Variants in EGFR observed in about 807,000 individuals in gnomAD.
EGFR encodes the protein avian erythroblastic leukemia viral (v-erb-b) oncogene homolog.
EGFR carries 58 observed loss-of-function variants against 143.0 expected under a neutral mutation model. That is an observed-to-expected ratio of 0.41 (90% CI 0.33 to 0.50). The LOEUF (loss-of-function observed/expected upper bound fraction) is 0.50, where lower values mean the gene tolerates loss of function less well. EGFR is among the 20% of genes least tolerant of loss of function. EGFR has a pLI of 0.39. For synonymous variants in EGFR, 613 were observed against 594.4 expected (o/e 1.03, Z -0.45); for missense variants, 1,307 against 1,579.0 (o/e 0.83, Z 2.92).
At chr7:55,196,723 C>T (rs1481001065) in intron 22 of EGFR, among the ~76,000 whole-genome samples, 1 of 149,762 alleles carries the variant, frequency 6.7e-6, no homozygotes, top group Non-Finnish European at 1.5e-5. Flanking sequence ...AGTCCAGTTT[C>T]AATCTTCTTC....
intron 26 of EGFR, 150 bp downstream of exon 26, chr7:55,201,932 C>T: frequency 2.1e-6 from 2 of 932,350 alleles, no homozygotes; most frequent in South Asian, 1.4e-5. Context: ...TGTCACGCCT[C>T]ACAGTGCCGT....
intron 1 of EGFR, among the ~76,000 whole-genome samples, chr7:55,103,829 C>T (rs765218988): frequency 3.3e-5 from 5 of 152,226 alleles, no homozygotes; most frequent in Admixed American, 6.5e-5. Flanking sequence ...TGTGACTATT[C>T]ATACAGATTT....
chr7:55,156,871 CAG>C (rs1275493900), intron 10 of EGFR, 39 bp downstream of exon 10: 2 of 1,613,920 alleles, frequency 1.2e-6, no homozygotes, highest in Admixed American at 3.3e-5. Context: ...AATGGGAAAT[CAG>C]TGTTTTAGAG....
Position 55,197,775 on chromosome 7 carries a change from G to T in EGFR, c.2702-942G>T, listed in dbSNP as rs1787678437. Among the ~76,000 whole-genome samples the T allele has an allele frequency of 3.3e-5, 5 of 152,158 alleles. No homozygotes were observed. The South Asian group carries it at 1.0e-3, about 32-fold the overall frequency. ...GATGATCATGTGGCTTTTGTCCTTA[G>T]TTCTGTTTGTGTGGTGAATCACATT... On this transcript the variant is annotated intron_variant, in intron 22 of 27. Transcript: ENST00000275493.
chr7:55,169,156 A>AGTGCC (rs1425794064), intron 15 of EGFR, among the ~76,000 whole-genome samples: 5 of 150,626 alleles, frequency 3.3e-5, no homozygotes, highest in Non-Finnish European at 7.4e-5. Context: ...GCTGGAGTGC[A>AGTGCC]GTGCCGTGAT....
Position 55,156,631 on chromosome 7 carries a change from C to A in EGFR, c.1105C>A (p.Leu369Ile), listed in dbSNP as rs780131926. 1.9e-6 allele frequency: 3 copies of A among 1,614,146 alleles called. No individual in the cohort carries two copies. The African/African-American group carries it at 4.0e-5, about 22-fold the overall frequency. Residue 369 changes from leucine (L) to isoleucine (I), a missense_variant, in exon 9 of 28, where the codon CTC (leucine) becomes ATC (isoleucine). By Grantham distance (5) the Leu-to-Ile change is conservative. Around this residue, in one of 7 missense-constraint regions of EGFR, gnomAD observed 15 missense variants for 46.5 expected, o/e 0.32. Transcript: ENST00000275493. ...AAACTGCACCTCCATCAGTGGCGAT[C>A]TCCACATCCTGCCGGTGGCATTTAG... ...FKNCTSISGD[L>I]HILPVAFRGD...
intron 1 of EGFR, among the ~76,000 whole-genome samples, chr7:55,102,429 A>T (rs142972470): frequency 1.3e-3 from 202 of 152,136 alleles, no homozygotes; most frequent in African/African-American, 4.6e-3. Flanking sequence ...GTCTAACTCA[A>T]CTCTGCTTTA....
In EGFR at chr7:55,210,030, A is replaced by ATATTTCCTAAAT. The variant is rs1788201867; in HGVS notation, c.*4413_*4414insTATTTCCTAAAT. On this transcript the variant is annotated 3_prime_UTR_variant, in exon 28 of 28. Coordinates refer to ENST00000275493, the MANE Select transcript of EGFR (RefSeq NM_005228.5). Reference sequence around the variant, plus strand: ...CGTTTTTATATTTAGGAAATTTTAAAAGATGATGGAAAGCACATTTAGCTT... The same window carrying ATATTTCCTAAAT: ...CGTTTTTATATTTAGGAAATTTTAAATATTTCCTAAATAGATGATGGAAAGCACATTTAGCTT... The ATATTTCCTAAAT allele has an allele frequency of 6.6e-6, 1 of 152,182 alleles. No individual in the cohort carries two copies. The highest frequency in any genetic ancestry group is 1.5e-5 in the Non-Finnish European group (1 of 68,038). The allele number at this position is 152,182 out of a possible 1,614,324, so 9.4% of individuals were successfully genotyped here.
chr7:55,040,657 A>T (rs1240411475), intron 1 of EGFR, among the ~76,000 whole-genome samples: 1 of 152,214 alleles, frequency 6.6e-6, no homozygotes, highest in African/African-American at 2.4e-5. Context: ...TCTACTTATA[A>T]ACATGTTTTT....
At chr7:55,202,808 G>A (rs1307125337) in intron 27 of EGFR, 183 bp downstream of exon 27, 1 of 711,662 alleles carries the variant, frequency 1.4e-6, no homozygotes, top group Non-Finnish European at 2.6e-6. Context: ...GCCTGCACAA[G>A]CTCTTTGTTG....
chr7:55,139,575 TA>T (rs1407485826), intron 1 of EGFR, among the ~76,000 whole-genome samples: 1 of 152,208 alleles, frequency 6.6e-6, no homozygotes, highest in African/African-American at 2.4e-5. Flanking sequence ...TTTGATACTT[TA>T]GTAATTAACC....
rs945239721 is a variant in EGFR at position 55,209,264 on chromosome 7, G to A, written c.*3647G>A. 6 of 152,134 alleles carry A rather than the reference G, an allele frequency of 3.9e-5. No individual in the cohort carries two copies. The highest frequency in any genetic ancestry group is 2.6e-4 in the Admixed American group (4 of 15,268). The allele number at this position is 152,134 out of a possible 1,614,324, so 9.4% of individuals were successfully genotyped here. ...ACTGTGGGTCTGTACCAGAGCCCCCGTCAGAGTAGAATAAAAGGCTGGGTA... is the reference window on the plus strand; with the variant it reads ...ACTGTGGGTCTGTACCAGAGCCCCCATCAGAGTAGAATAAAAGGCTGGGTA... On this transcript the variant is annotated 3_prime_UTR_variant, in exon 28 of 28. Coordinates refer to ENST00000275493, the MANE Select transcript of EGFR (RefSeq NM_005228.5).
At chr7:55,026,541 C>T (rs544971699) in intron 1 of EGFR, among the ~76,000 whole-genome samples, 1 of 152,352 alleles carries the variant, frequency 6.6e-6, no homozygotes, top group Admixed American at 6.5e-5. Flanking sequence ...CAAATAACAT[C>T]TCCAACCGGA....
chr7:55,134,381 T>C (rs1357926100), intron 1 of EGFR, among the ~76,000 whole-genome samples: 1 of 148,032 alleles, frequency 6.8e-6, no homozygotes, highest in Non-Finnish European at 1.5e-5. Flanking sequence ...AGTTCCAGGA[T>C]TCAGGACACA....
At position 55,205,442 on chromosome 7, in the gene EGFR, G is replaced by GC; in HGVS notation, c.3461dup (p.Ala1155CysfsTer12). Reference sequence around the variant, plus strand: ...ACCTGTGTCAACAGCACATTCGACAGCCCTGCCCACTGGGCCCAGAAAGGC... The same window carrying GC: ...ACCTGTGTCAACAGCACATTCGACAGCCCCTGCCCACTGGGCCCAGAAAGGC... On this transcript the variant is annotated frameshift_variant, in exon 28 of 28. Coordinates refer to ENST00000275493, the MANE Select transcript of EGFR (RefSeq NM_005228.5). LOFTEE classifies it high-confidence loss of function. 1 of 1,614,112 alleles carries GC rather than the reference G, an allele frequency of 6.2e-7. No homozygotes were observed. The highest frequency in any genetic ancestry group is 8.5e-7 in the Non-Finnish European group (1 of 1,180,020).
At chr7:55,179,184 A>G (rs62457093) in intron 19 of EGFR, among the ~76,000 whole-genome samples, 35,269 of 152,208 alleles carry the variant, frequency 0.23, 4,712 homozygotes, top group Admixed American at 0.31. Context: ...GGGTATTTTT[A>G]AAATCACACA....
chr7:55,165,562 T>A (rs1471215382), intron 15 of EGFR, 125 bp downstream of exon 15: 4 of 1,353,002 alleles, frequency 3.0e-6, no homozygotes, highest in Non-Finnish European at 4.0e-6. Flanking sequence ...CTTAAGGTGT[T>A]TTGGTCCCCA....
chr7:55,101,705 A>G lies in EGFR; in HGVS notation c.89-40581A>G, dbSNP rs545676984. Among the ~76,000 whole-genome samples the G allele has an allele frequency of 5.3e-5, 8 of 152,358 alleles. No homozygotes were observed. In the East Asian group the frequency reaches 1.5e-3, roughly 29 times the overall value. Reference sequence around the variant, plus strand: ...TTAGGAGTAACAAGTCTGTCTGTACATGCACATACAGCAACTTTTTTAAAC... The same window carrying G: ...TTAGGAGTAACAAGTCTGTCTGTACGTGCACATACAGCAACTTTTTTAAAC... On this transcript the variant is annotated intron_variant, in intron 1 of 27. Coordinates refer to ENST00000275493, the MANE Select transcript of EGFR (RefSeq NM_005228.5).
chr7:55,079,845 C>T (rs540777092), intron 1 of EGFR, among the ~76,000 whole-genome samples: 1 of 152,192 alleles, frequency 6.6e-6, no homozygotes, highest in African/African-American at 2.4e-5. Flanking sequence ...CACGTAGGCT[C>T]TTGCCAGGAG....
Sources: gnomAD v4.1 joint callset for allele counts (sites outside exome capture counted in the v4.1 genomes callset) on GRCh38, gnomAD v4.1.1 for gene constraint, gnomAD v4.1.1 regional missense constraint, MANE v1.5 for transcripts, NCBI Gene and HGNC (gene_info 2026-07-23, HGNC 2026-07-21) for gene names.